RER1: variants seen among roughly 807,000 people sequenced by gnomAD.
RER1 encodes the protein protein RER1.
A neutral mutation model predicts 28.3 loss-of-function variants in RER1; 6 were observed. The observed-to-expected ratio is 0.21, with a 90% CI of 0.12 to 0.42. RER1 has a LOEUF of 0.42. Among genes scored for constraint, RER1 ranks in the 10% least tolerant of loss-of-function variants. The pLI is 1.00. For synonymous variants in RER1, 110 were observed against 95.9 expected, an observed-to-expected ratio of 1.15 and a Z score of -0.86; for missense variants, 159 against 252.9, an observed-to-expected ratio of 0.63 and a Z score of 2.52.
At chr1:2,400,993 A>G (rs1263379221) in intron 5 of RER1, 58 bp downstream of exon 5, 1 of 1,424,760 alleles carries the variant, frequency 7.0e-7, no homozygotes, top group Non-Finnish European at 9.9e-7. Flanking sequence ...GCTGAGACTG[A>G]GACTACACTG....
chr1:2,397,391 G>A (rs2100400844), intron 3 of RER1, among the ~76,000 whole-genome samples, 171 bp downstream of exon 3: 1 of 152,318 alleles, frequency 6.6e-6, no homozygotes, highest in East Asian at 1.9e-4. Flanking sequence ...TAACGAACAG[G>A]GTTGTTTATG....
intron 1 of RER1, chr1:2,395,506 T>G (rs1570075261): frequency 2.4e-6 from 1 of 421,722 alleles, no homozygotes; most frequent in Non-Finnish European, 4.4e-6. Flanking sequence ...GCCAGTGGGG[T>G]GGACAGTCCC....
At chr1:2,392,784 G>T (rs900059032) in intron 1 of RER1, among the ~76,000 whole-genome samples, 1 of 152,206 alleles carries the variant, frequency 6.6e-6, no homozygotes, top group Non-Finnish European at 1.5e-5. Flanking sequence ...TGAGGTGACG[G>T]CGACGGCGGT....
rs1454769535 is a variant in RER1 at position 2,403,086 on chromosome 1, A to G, written c.553A>G (p.Arg185Gly). The G allele has an allele frequency of 6.2e-7, 1 of 1,614,190 alleles. No homozygotes were observed. Among genetic ancestry groups the G allele is most frequent in the South Asian group, 1.1e-5 (1 of 91,090 alleles). ...GTTCACACATGGGAAGAGAAGGTAC[A>G]GAGGCAAGGAGGATGCCGGCAAGGC... Reference protein sequence around the residue: ...IPFTHGKRRYRGKEDAGKAFA... With the variant: ...IPFTHGKRRYGGKEDAGKAFA... Residue 185 changes from arginine (R) to glycine (G), a missense_variant, in exon 7 of 7, where the codon AGA becomes GGA. Transcript: ENST00000605895.
rs372209309 is a variant in RER1 at position 2,400,072 on chromosome 1, C to T, written c.286+558C>T. ...TTGGAAGACTTACGCAGCTCCTGGG[C>T]CTGCCTGGGCCAGGTAGGGGCCCTG... On this transcript the variant is annotated intron_variant, in intron 4 of 6. Coordinates refer to ENST00000605895, the MANE Select transcript of RER1 (RefSeq NM_007033.5). Among the ~76,000 whole-genome samples the T allele has an allele frequency of 5.9e-5, 9 of 152,312 alleles. No homozygotes were observed. The South Asian group carries it at 1.4e-3, about 25-fold the overall frequency.
chr1:2,395,730 A>T, intron 1 of RER1, 54 bp from the exon 2 acceptor site: 2 of 1,293,142 alleles, frequency 1.5e-6, no homozygotes, highest in Non-Finnish European at 2.3e-6. Flanking sequence ...TAGGGCCAGG[A>T]TTTCACACCC....
rs574248910 is a variant in RER1 at position 2,404,071 on chromosome 1, C to T, written c.*947C>T. 1 of 152,336 alleles carries T rather than the reference C, an allele frequency of 6.6e-6. No individual in the cohort carries two copies. The highest frequency in any genetic ancestry group is 2.1e-4 in the South Asian group (1 of 4,830). 9.4% of individuals were successfully genotyped at this position (152,336 alleles called of 1,614,324 possible). On this transcript the variant is annotated 3_prime_UTR_variant, in exon 7 of 7. Transcript: ENST00000605895. ...TTTGTTTGGCCTTTTCGAAAGGTGACCCATATTGCACAGCAGAACATCACA... is the reference window on the plus strand; with the variant it reads ...TTTGTTTGGCCTTTTCGAAAGGTGATCCATATTGCACAGCAGAACATCACA...
chr1:2,395,277 T>C, intron 1 of RER1: 1 of 164,392 alleles, frequency 6.1e-6, no homozygotes, highest in Non-Finnish European at 1.3e-5. Flanking sequence ...TAGATAACAT[T>C]TTCCTGTTCA....
intron 5 of RER1, chr1:2,401,931 C>CA: frequency 7.6e-7 from 1 of 1,323,322 alleles, no homozygotes; most frequent in Non-Finnish European, 1.0e-6. Flanking sequence ...ATGGGGCCCC[C>CA]AGCCTCAGTA....
rs1158123254 is a variant in RER1, at chr1:2,404,227, A to T, written c.*1103A>T. 5 of 152,060 alleles carry T rather than the reference A, an allele frequency of 3.3e-5. No homozygotes were observed. The highest frequency in any genetic ancestry group is 1.2e-4 in the African/African-American group (5 of 41,380). 9.4% of individuals were successfully genotyped at this position (152,060 alleles called of 1,614,324 possible). A position where few individuals can be genotyped will look rare whatever the true frequency, so the allele number is the denominator to read the frequency against. ...GACACGGTGAATGCTTAGTGTCTGG[A>T]TTTTCTTGTACCAGTGTTTACATAT... On this transcript the variant is annotated 3_prime_UTR_variant, in exon 7 of 7. Coordinates refer to ENST00000605895, the MANE Select transcript of RER1 (RefSeq NM_007033.5).
Position 2,403,889 on chromosome 1 carries a change from G to GC in RER1, c.*771dup, listed in dbSNP as rs989150887. On this transcript the variant is annotated 3_prime_UTR_variant, in exon 7 of 7. Transcript: ENST00000605895. Reference sequence around the variant, plus strand: ...ACTGGCTTTGTAGGTTCAGCACTCGGCCCCCCACTGCGGGAGAGGCGGAAC... The same window carrying GC: ...ACTGGCTTTGTAGGTTCAGCACTCGGCCCCCCCACTGCGGGAGAGGCGGAAC... The GC allele has an allele frequency of 1.4e-4, 21 of 152,430 alleles. No individual in the cohort carries two copies. The highest frequency in any genetic ancestry group is 3.6e-4 in the African/African-American group (15 of 41,444). The allele number at this position is 152,430 out of a possible 1,614,324, so 9.4% of individuals were successfully genotyped here.
chr1:2,391,863 G>T lies in RER1; in HGVS notation c.-103G>T, dbSNP rs565130284. The T allele has an allele frequency of 2.4e-5, 7 of 288,532 alleles. No homozygotes were observed. In the Admixed American group the frequency reaches 3.7e-4, roughly 15 times the overall value. The allele number at this position is 288,532 out of a possible 1,614,324, so 17.9% of individuals were successfully genotyped here. A position where few individuals can be genotyped will look rare whatever the true frequency, so the allele number is the denominator to read the frequency against. On this transcript the variant is annotated 5_prime_UTR_variant, in exon 1 of 7. Transcript: ENST00000605895. The stretch of plus-strand genomic sequence containing the variant: ...CGGAAGTGCTCGCTGCAGCTTCCCG[G>T]AGCCGGAGCGCAGCGCCTGCGGCCG...
chr1:2,396,907 A>C lies in RER1; in HGVS notation c.82-209A>C, dbSNP rs147170820. On this transcript the variant is annotated intron_variant, in intron 2 of 6. Coordinates refer to ENST00000605895, the MANE Select transcript of RER1 (RefSeq NM_007033.5). ...TGTAATAGTCTTGCTTAAGAGATGAACCTGCTTCAGGAATTATTGAAAATA... is the reference window on the plus strand; with the variant it reads ...TGTAATAGTCTTGCTTAAGAGATGACCCTGCTTCAGGAATTATTGAAAATA... Among the ~76,000 whole-genome samples, 201 of 152,318 alleles carry C rather than the reference A, an allele frequency of 1.3e-3. 1 individual carries two copies. The Middle Eastern group carries it at 0.02, about 15-fold the overall frequency.
At position 2,405,414 on chromosome 1, in the gene RER1, CGAATA is replaced by C. The variant is rs1642966004; in HGVS notation, c.*2291_*2295del. ...TGGGGCTGTTTTCTCACAATATAAACGAATAAAGTGTCTTCTGGCCTACTTCTGAA... is the reference window on the plus strand; with the variant it reads ...TGGGGCTGTTTTCTCACAATATAAACAAGTGTCTTCTGGCCTACTTCTGAA... On this transcript the variant is annotated 3_prime_UTR_variant, in exon 7 of 7. Coordinates refer to ENST00000605895, the MANE Select transcript of RER1 (RefSeq NM_007033.5). 2.4e-6 allele frequency: 1 copy of C among 420,126 alleles called. No homozygotes were observed. The highest frequency in any genetic ancestry group is 3.5e-5 in the Admixed American group (1 of 28,368). 26.0% of individuals were successfully genotyped at this position (420,126 alleles called of 1,614,324 possible).
chr1:2,395,739 C>G, intron 1 of RER1, 45 bp from the exon 2 acceptor site: 1 of 1,381,506 alleles, frequency 7.2e-7, no homozygotes, highest in East Asian at 2.3e-5. Context: ...GATTTCACAC[C>G]CGTGAATGCT....
At chr1:2,402,442 C>T (rs552620273) in intron 6 of RER1, 100 bp downstream of exon 6, 1 of 1,499,614 alleles carries the variant, frequency 6.7e-7, no homozygotes, top group East Asian at 2.3e-5. Context: ...GTGGCAGAGT[C>T]TGCCTGGTGT....
In RER1 at chr1:2,403,142, C is replaced by T. The variant is rs1409931739; in HGVS notation, c.*18C>T. 3.8e-6 allele frequency: 6 copies of T among 1,597,304 alleles called. No individual in the cohort carries two copies. Among genetic ancestry groups the T allele is most frequent in the South Asian group, 3.3e-5 (3 of 90,760 alleles). On this transcript the variant is annotated 3_prime_UTR_variant, in exon 7 of 7. Coordinates refer to ENST00000605895, the MANE Select transcript of RER1 (RefSeq NM_007033.5). ...CCAGCTAGAAGCGGGACTGAGGCTG[C>T]CTCACGTGTTGCAAGAACAGTTTTG...
At chr1:2,394,529 G>C (rs1018974053) in intron 1 of RER1, 14 of 152,266 alleles carry the variant, frequency 9.2e-5, no homozygotes, top group African/African-American at 3.4e-4. Flanking sequence ...TGATGGGCCA[G>C]GGCAACTCTT....
At position 2,399,340 on chromosome 1, in the gene RER1, G is replaced by A. The variant is rs1057301633; in HGVS notation, c.187-75G>A. Reference sequence around the variant, plus strand: ...CAGTTAACAAAGTTGAGAGTGAACCGGAGTGCAAACGTGAACTGGCTCAGG... The same window carrying A: ...CAGTTAACAAAGTTGAGAGTGAACCAGAGTGCAAACGTGAACTGGCTCAGG... On this transcript the variant is annotated intron_variant, in intron 3 of 6. Coordinates refer to ENST00000605895, the MANE Select transcript of RER1 (RefSeq NM_007033.5). 3.8e-5 allele frequency: 36 copies of A among 949,766 alleles called. No individual in the cohort carries two copies. The Middle Eastern group carries it at 6.3e-4, about 17-fold the overall frequency. 58.8% of individuals were successfully genotyped at this position (949,766 alleles called of 1,614,324 possible).
Sources: allele counts gnomAD v4.1 joint callset (sites outside exome capture counted in the v4.1 genomes callset), GRCh38; gene constraint gnomAD v4.1.1; transcripts MANE v1.5; gene names NCBI Gene and HGNC (gene_info 2026-07-23, HGNC 2026-07-21).